Variants in CEP126 observed in about 807,000 individuals in gnomAD.
CEP126 encodes the protein centrosomal protein 126, also known as centrosomal protein of 126 kDa.
CEP126 carries 74 observed loss-of-function variants against 107.8 expected under a neutral mutation model. The observed-to-expected ratio is 0.69, with a 90% confidence interval of 0.57 to 0.83. The LOEUF is 0.83. Ranked by LOEUF, CEP126 falls within the 40% of genes least tolerant of loss-of-function variation. CEP126 has a pLI of 0.00. For synonymous variants in CEP126, 449 were observed against 446.0 expected (o/e 1.01, Z -0.08); for missense variants, 1,237 against 1,281.9 (o/e 0.96, Z 0.53).
At chr11:101,947,049 G>A (rs1233679931) in intron 3 of CEP126, among the ~76,000 whole-genome samples, 1 of 152,134 alleles carries the variant, frequency 6.6e-6, no homozygotes, top group African/African-American at 2.4e-5. Context: ...GTTGATTAGG[G>A]AAATGGATTG....
At position 102,000,200 on chromosome 11, in the gene CEP126, A is replaced by C. The variant is rs1941491855; in HGVS notation, c.*2557A>C. ...CACAAAAATGAATAAATAAAATAAA[A>C]ATAAAAATGTTACTTTTTAAAAAGT... On this transcript the variant is annotated 3_prime_UTR_variant, in exon 11 of 11. Coordinates refer to ENST00000263468, the MANE Select transcript of CEP126 (RefSeq NM_020802.4). 1 of 152,142 alleles carries C rather than the reference A, an allele frequency of 6.6e-6. No homozygotes were observed. Among genetic ancestry groups the C allele is most frequent in the African/African-American group, 2.4e-5 (1 of 41,426 alleles). The allele number at this position is 152,142 out of a possible 1,614,324, so 9.4% of individuals were successfully genotyped here.
At chr11:101,986,756 G>C (rs1181827546) in intron 8 of CEP126, 76 bp from the exon 9 acceptor site, 14 of 986,290 alleles carry the variant, frequency 1.4e-5, no homozygotes, top group Non-Finnish European at 2.2e-5. Flanking sequence ...GCATGTATAA[G>C]TATATGTAAG....
intron 2 of CEP126, among the ~76,000 whole-genome samples, chr11:101,939,802 T>G (rs563517022): frequency 6.6e-6 from 1 of 152,344 alleles, no homozygotes; most frequent in South Asian, 2.1e-4. Flanking sequence ...AAACTCATTA[T>G]TTAACAAATT....
chr11:101,930,430 G>A (rs61916020), intron 2 of CEP126, among the ~76,000 whole-genome samples: 12 of 151,958 alleles, frequency 7.9e-5, no homozygotes, highest in Admixed American at 7.2e-4. Flanking sequence ...TGGTGGGTTC[G>A]TGGTCTCGCT....
chr11:101,939,484 C>T (rs939448968), intron 2 of CEP126, among the ~76,000 whole-genome samples: 1 of 152,034 alleles, frequency 6.6e-6, no homozygotes, highest in Non-Finnish European at 1.5e-5. Flanking sequence ...GCCTTCAGCC[C>T]GTGTATATTT....
chr11:101,981,992 T>C (rs1179857191), intron 8 of CEP126, 28 bp downstream of exon 8: 18 of 1,221,472 alleles, frequency 1.5e-5, no homozygotes, highest in Non-Finnish European at 2.1e-5. Flanking sequence ...CATTTTTCTC[T>C]GATCTTTGTT....
rs1941461537 is a variant in CEP126, at chr11:101,997,895, G to C, written c.*252G>C. 2.4e-6 allele frequency: 1 copy of C among 422,694 alleles called. No homozygotes were observed. The highest frequency in any genetic ancestry group is 3.6e-5 in the Admixed American group (1 of 27,428). The allele number at this position is 422,694 out of a possible 1,614,324, so 26.2% of individuals were successfully genotyped here. On this transcript the variant is annotated 3_prime_UTR_variant, in exon 11 of 11. Coordinates refer to ENST00000263468, the MANE Select transcript of CEP126 (RefSeq NM_020802.4). ...TAAACAAAAAGCAGGACATAACCTAGCTCTGAATACATGCCACAAGGATGA... is the reference window on the plus strand; with the variant it reads ...TAAACAAAAAGCAGGACATAACCTACCTCTGAATACATGCCACAAGGATGA...
Position 101,948,086 on chromosome 11 carries a change from C to T in CEP126, c.450C>T (p.Ser150=), listed in dbSNP as rs1401256143. The change falls in exon 4 of 11, where the codon TCC becomes TCT. Residue 150 remains serine (S), a synonymous_variant. Transcript: ENST00000263468. ...LEEALKQIQE[S]NLKSEVNLPF... Reference sequence around the variant, plus strand: ...AGGCCCTCAAACAAATTCAGGAATCCAACTTAAAATCAGAAGTAAACCTTC... The same window carrying T: ...AGGCCCTCAAACAAATTCAGGAATCTAACTTAAAATCAGAAGTAAACCTTC... 6.8e-6 allele frequency: 11 copies of T among 1,611,810 alleles called. No homozygotes were observed. Among genetic ancestry groups the T allele is most frequent in the Non-Finnish European group, 8.5e-6 (10 of 1,178,576 alleles).
At position 101,962,633 on chromosome 11, in the gene CEP126, C is replaced by G. The variant is rs1190002803; in HGVS notation, c.1598C>G (p.Ser533Ter). The change falls in exon 6 of 11, where the codon TCA (serine) becomes TGA (stop). Residue 533 changes from serine (S) to a stop codon, truncating the protein, a stop_gained. Transcript: ENST00000263468. LOFTEE classifies it high-confidence loss of function. ...GCCTATATACCTCACAATCCTGATTCAAAAGATGAAAAACAAAAATTAGCT... is the reference window on the plus strand; with the variant it reads ...GCCTATATACCTCACAATCCTGATTGAAAAGATGAAAAACAAAAATTAGCT... ...QDAYIPHNPD[S>*]KDEKQKLAET... 1 of 1,612,776 alleles carries G rather than the reference C, an allele frequency of 6.2e-7. No individual in the cohort carries two copies.
At chr11:101,997,487 A>G in intron 10 of CEP126, 112 bp from the exon 11 acceptor site, 2 of 1,533,420 alleles carry the variant, frequency 1.3e-6, no homozygotes, top group Non-Finnish European at 1.8e-6. Flanking sequence ...ATTACCTGGG[A>G]GAATGATGTC....
intron 8 of CEP126, among the ~76,000 whole-genome samples, chr11:101,982,555 T>C (rs1347844534): frequency 6.6e-6 from 1 of 152,190 alleles, no homozygotes; most frequent in Non-Finnish European, 1.5e-5. Context: ...TCTTAGATAT[T>C]AGAGTTCGAA....
At chr11:101,990,164 C>A (rs940447303) in intron 9 of CEP126, among the ~76,000 whole-genome samples, 2 of 151,106 alleles carry the variant, frequency 1.3e-5, no homozygotes, top group Admixed American at 1.3e-4. Flanking sequence ...CACAAGGGAA[C>A]CTCACACCTA....
chr11:101,966,894 C>T (rs1941062541), intron 6 of CEP126, among the ~76,000 whole-genome samples: 1 of 152,100 alleles, frequency 6.6e-6, no homozygotes, highest in South Asian at 2.1e-4. Context: ...AGCAAACTCA[C>T]TCACTCCTCT....
chr11:101,953,664 C>T (rs1294107218), intron 4 of CEP126, among the ~76,000 whole-genome samples: 1 of 152,000 alleles, frequency 6.6e-6, no homozygotes, highest in African/African-American at 2.4e-5. Flanking sequence ...CAAGAAATAC[C>T]TATTTTTGCA....
intron 2 of CEP126, among the ~76,000 whole-genome samples, chr11:101,932,549 A>G (rs1311903184): frequency 6.6e-6 from 1 of 152,144 alleles, no homozygotes; most frequent in South Asian, 2.1e-4. Flanking sequence ...ATCATTGCCA[A>G]ATATTGCTGA....
intron 1 of CEP126, chr11:101,915,885 T>A (rs1427117084): frequency 6.6e-6 from 1 of 152,494 alleles, no homozygotes; most frequent in Non-Finnish European, 1.5e-5. Flanking sequence ...CACAGTTTGG[T>A]AAGTTGTTTT....
chr11:101,955,103 T>A (rs1395184898), intron 4 of CEP126, among the ~76,000 whole-genome samples: 1 of 152,114 alleles, frequency 6.6e-6, no homozygotes, highest in African/African-American at 2.4e-5. Context: ...AAAAAATATA[T>A]GATAAAGTGC....
Position 101,963,242 on chromosome 11 carries a change from T to C in CEP126, c.2207T>C (p.Ile736Thr). ...GCCTCAAAAAAAGAAGAAAGTAAAA[T>C]CCCTGTACATGATGATTCTAAAACT... Reference protein sequence around the residue: ...WPASKKEESKIPVHDDSKTKQ... With the variant: ...WPASKKEESKTPVHDDSKTKQ... Residue 736 changes from isoleucine to threonine, a missense_variant, in exon 6 of 11, where the codon ATC (isoleucine) becomes ACC (threonine). Transcript: ENST00000263468. The C allele has an allele frequency of 6.2e-7, 1 of 1,613,860 alleles. No homozygotes were observed. Among genetic ancestry groups the C allele is most frequent in the Non-Finnish European group, 8.5e-7 (1 of 1,179,982 alleles).
At position 101,915,302 on chromosome 11, in the gene CEP126, C is replaced by T. The variant is rs201779479; in HGVS notation, c.18C>T (p.Pro6=). The part of the protein sequence containing the change: MLAGR[P]GTRSAVGELG... The stretch of plus-strand genomic sequence containing the variant: ...AGTGAAGGATGCTGGCGGGGAGGCC[C>T]GGAACCCGGAGCGCGGTCGGGGAAC... Residue 6 remains proline (P), a synonymous_variant, in exon 1 of 11, where the codon CCC becomes CCT. Coordinates refer to ENST00000263468, the MANE Select transcript of CEP126 (RefSeq NM_020802.4). 6.8e-6 allele frequency: 11 copies of T among 1,613,580 alleles called. No individual in the cohort carries two copies. Among genetic ancestry groups the T allele is most frequent in the Admixed American group, 6.7e-5 (4 of 60,002 alleles).
Sources: gnomAD v4.1 joint callset for allele counts (sites outside exome capture counted in the v4.1 genomes callset) on GRCh38, gnomAD v4.1.1 for gene constraint, MANE v1.5 for transcripts, NCBI Gene and HGNC (gene_info 2026-07-23, HGNC 2026-07-21) for gene names.